The following HVCN1 variants were observed in gnomAD, a reference collection of about 807,000 sequenced individuals.
HVCN1 encodes hydrogen voltage gated channel 1.
In HVCN1, 14 loss-of-function variants were observed where a neutral mutation model predicts 29.2. The ratio of observed to expected loss-of-function variants is 0.48; its 90% CI spans 0.32 to 0.75. The LOEUF is 0.75. Among genes scored for constraint, HVCN1 ranks in the 30% least tolerant of loss-of-function variants. The pLI, the probability that HVCN1 is intolerant of heterozygous loss-of-function variation, is 0.04. For missense variants in HVCN1, 263 were observed against 341.8 expected (o/e 0.77, Z 1.82); for synonymous variants, 131 against 133.2 (o/e 0.98, Z 0.11).
At chr12:110,666,335 A>G (rs564678532) in intron 3 of HVCN1, among the ~76,000 whole-genome samples, 5 of 152,214 alleles carry the variant, frequency 3.3e-5, no homozygotes, top group African/African-American at 1.2e-4. Context: ...AGGCAGGAGA[A>G]TGGCGTGAAC....
upstream of HVCN1, among the ~76,000 whole-genome samples, chr12:110,692,715 C>T (rs370912638): frequency 1.2e-4 from 19 of 152,138 alleles, no homozygotes; most frequent in East Asian, 1.4e-3. Flanking sequence ...CAGAGCAAGA[C>T]CCTGTCTCTT....
rs760596387 is a variant in HVCN1 at position 110,661,304 on chromosome 12, GCTCCTC to G, written c.160_165del (p.Glu54_Glu55del). 1.1e-5 allele frequency: 17 copies of G among 1,612,944 alleles called. No homozygotes were observed. Among genetic ancestry groups the G allele is most frequent in the South Asian group, 2.2e-5 (2 of 91,048 alleles). ...CCTGAGACTGGTGTGGGTGGTGGCT[GCTCCTC>G]CTCCTCCTCCTCCTCTTCATTCTCC... On this transcript the variant is annotated inframe_deletion, in exon 4 of 8. Transcript: ENST00000242607. The surrounding 1 kb of genome is among the most constrained non-coding windows in gnomAD (Gnocchi z 6.2).
intron 2 of HVCN1, among the ~76,000 whole-genome samples, chr12:110,687,617 G>C (rs2069242951): frequency 1.3e-5 from 2 of 152,116 alleles, no homozygotes; most frequent in Admixed American, 1.3e-4. Flanking sequence ...AGCGTGATGA[G>C]GCGGCAAGAG....
rs2067805233 is a variant in HVCN1 at position 110,651,254 on chromosome 12, A to C, written c.606T>G (p.Ile202Met). Residue 202 changes from isoleucine (I) to methionine (M), a missense_variant, in exon 6 of 8, where the codon ATT (isoleucine) becomes ATG (methionine). Physicochemically the swap from Ile to Met is conservative, Grantham distance 10 (BLOSUM62 1). This residue lies in a region of HVCN1 where 55 missense variants were observed against 109.4 expected (regional missense o/e 0.50). Coordinates refer to ENST00000242607, the MANE Select transcript of HVCN1 (RefSeq NM_032369.4). ...GGGCCACCCGCCACAGCCGGAGCAG[A>C]ATCAGCAGGCCCAGAGCCTCAAACT... is the stretch of plus-strand genomic sequence containing the variant. The part of the protein sequence containing the change: ...EHQFEALGLL[I>M]LLRLWRVARI... 6.2e-7 allele frequency: 1 copy of C among 1,613,922 alleles called. No homozygotes were observed. The highest frequency in any genetic ancestry group is 1.3e-5 in the African/African-American group (1 of 74,906).
chr12:110,690,212 C>A (rs1465076128), upstream of HVCN1, among the ~76,000 whole-genome samples: 1 of 152,166 alleles, frequency 6.6e-6, no homozygotes, highest in Non-Finnish European at 1.5e-5. Flanking sequence ...ACCTCTGCCT[C>A]CATGGTCACA....
rs1260312012 is a variant in HVCN1, at chr12:110,658,091, C to T, written c.307-2753G>A. On this transcript the variant is annotated intron_variant, in intron 4 of 7. Coordinates refer to ENST00000242607, the MANE Select transcript of HVCN1 (RefSeq NM_032369.4). This position sits in a 1 kb window ranked among gnomAD's most constrained non-coding sequence, Gnocchi z 5.0. ...GTGCATGGGAATGAAAGTGAAGCTC[C>T]CTGACTCCTGGGACCACTTTCCCTT... Among the ~76,000 whole-genome samples the T allele has an allele frequency of 6.6e-6, 1 of 152,144 alleles. No individual in the cohort carries two copies. The highest frequency in any genetic ancestry group is 2.4e-5 in the African/African-American group (1 of 41,418).
At chr12:110,660,545 CTTTAT>C (rs2068134839) in intron 4 of HVCN1, among the ~76,000 whole-genome samples, 2 of 152,184 alleles carry the variant, frequency 1.3e-5, no homozygotes, top group South Asian at 2.1e-4. Flanking sequence ...GTTATTTACC[CTTTAT>C]TTATTTTTTT....
chr12:110,695,359 G>A lies in HVCN1; in HGVS notation c.-103-6651C>T, dbSNP rs551934480. Reference sequence around the variant, plus strand: ...ATAATTGTATAATTACATATATTTTGTTTATTTTGTGTACACACACACACA... The same window carrying A: ...ATAATTGTATAATTACATATATTTTATTTATTTTGTGTACACACACACACA... On this transcript the variant is annotated intron_variant, in intron 2 of 4. Transcript: ENST00000546713. Among the ~76,000 whole-genome samples the A allele has an allele frequency of 2.0e-5, 3 of 146,412 alleles. No individual in the cohort carries two copies. The South Asian group carries it at 6.4e-4, about 31-fold the overall frequency.
chr12:110,673,743 T>TG, intron 3 of HVCN1, among the ~76,000 whole-genome samples: 1 of 152,216 alleles, frequency 6.6e-6, no homozygotes, highest in East Asian at 1.9e-4. Flanking sequence ...CACGTGGTGT[T>TG]GAGCCTGCAG....
upstream of HVCN1, among the ~76,000 whole-genome samples, chr12:110,690,166 G>T (rs1403414670): frequency 6.6e-6 from 1 of 152,202 alleles, no homozygotes. Flanking sequence ...TTTCCCGGCT[G>T]GAGAGGTGCC....
intron 2 of HVCN1, among the ~76,000 whole-genome samples, chr12:110,687,258 C>A (rs753459230): frequency 2.3e-3 from 133 of 57,016 alleles, no homozygotes; most frequent in Non-Finnish European, 4.3e-3. Flanking sequence ...ACAGACCACA[C>A]CCCCCCCCCC....
intron 1 of HVCN1, among the ~76,000 whole-genome samples, chr12:110,704,106 G>A (rs1194976613): frequency 6.6e-6 from 1 of 152,182 alleles, no homozygotes; most frequent in Admixed American, 6.5e-5. Flanking sequence ...AGTTGAACAT[G>A]TGTACGCCTA....
chr12:110,649,738 C>G (rs932707677), intron 7 of HVCN1, among the ~76,000 whole-genome samples: 1 of 152,214 alleles, frequency 6.6e-6, no homozygotes, highest in Non-Finnish European at 1.5e-5. Context: ...GATGTGACGC[C>G]TGGGCTGGAT....
chr12:110,662,426 G>T (rs1041412909), intron 3 of HVCN1, among the ~76,000 whole-genome samples: 1 of 152,230 alleles, frequency 6.6e-6, no homozygotes, highest in African/African-American at 2.4e-5. Flanking sequence ...AATAGGGTGC[G>T]CATGGTGGCT....
At chr12:110,659,792 G>C (rs1357921909) in intron 4 of HVCN1, among the ~76,000 whole-genome samples, 1 of 152,210 alleles carries the variant, frequency 6.6e-6, no homozygotes, top group African/African-American at 2.4e-5. Flanking sequence ...ACATGGCCAG[G>C]CATAGTGGCT....
chr12:110,666,301 T>G (rs2068351319), intron 3 of HVCN1, among the ~76,000 whole-genome samples: 1 of 151,678 alleles, frequency 6.6e-6, no homozygotes, highest in Non-Finnish European at 1.5e-5. Flanking sequence ...CCAGCGCCTG[T>G]AGTCCCAGCT....
intron 1 of HVCN1, among the ~76,000 whole-genome samples, chr12:110,703,611 T>A (rs1224266357): frequency 6.6e-6 from 1 of 152,156 alleles, no homozygotes; most frequent in Non-Finnish European, 1.5e-5. Context: ...CTTGTGTATA[T>A]ATTTGATTCT....
In HVCN1 at chr12:110,679,667, C is replaced by A. The variant is rs556266216; in HGVS notation, c.21+3558G>T. Among the ~76,000 whole-genome samples the A allele has an allele frequency of 1.8e-3, 279 of 152,150 alleles. 6 individuals are homozygous for A. The highest frequency in any genetic ancestry group is 0.012 in the Admixed American group (180 of 15,278). On this transcript the variant is annotated intron_variant, in intron 3 of 7. Coordinates refer to ENST00000242607, the MANE Select transcript of HVCN1 (RefSeq NM_032369.4). ...AGGAGATCGAGACCATCCTGGCTAA[C>A]AAGGTGAAACCCCATCTCTACTAAA...
chr12:110,700,863 G>C (rs2069557138), intron 2 of HVCN1, among the ~76,000 whole-genome samples: 1 of 152,198 alleles, frequency 6.6e-6, no homozygotes, highest in Non-Finnish European at 1.5e-5. Flanking sequence ...ACCATCGACT[G>C]TCCGATAATT....
Sources: gnomAD v4.1 joint callset for allele counts (sites outside exome capture counted in the v4.1 genomes callset) on GRCh38, gnomAD v4.1.1 for gene constraint, gnomAD v4.1.1 regional missense constraint, Gnocchi (gnomAD v3.1) non-coding constraint, MANE v1.5 for transcripts, NCBI Gene and HGNC (gene_info 2026-07-23, HGNC 2026-07-21) for gene names.